SNX24: variants seen among roughly 807,000 people sequenced by gnomAD.
SNX24 encodes the protein sorting nexin 24.
Under a neutral mutation model 28.7 loss-of-function variants are expected in SNX24, and 22 were observed. The ratio of observed to expected loss-of-function variants is 0.77; its 90% CI spans 0.55 to 1.10. SNX24 has a LOEUF of 1.10. SNX24 is among the 50% of genes least tolerant of loss of function. The pLI is 0.00. For synonymous variants in SNX24, 69 were observed against 71.5 expected, an observed-to-expected ratio of 0.96 and a Z score of 0.18; for missense variants, 221 against 201.1, an observed-to-expected ratio of 1.10 and a Z score of -0.60.
rs1008236218 is a variant in SNX24, at chr5:122,864,706, G to T, written c.60+19013G>T. ...GAGCCAGTTTATCGATGTGGGTGGTGCCAGCTGATCTATCAAGTGCGGGGT... is the reference window on the plus strand; with the variant it reads ...GAGCCAGTTTATCGATGTGGGTGGTTCCAGCTGATCTATCAAGTGCGGGGT... On this transcript the variant is annotated intron_variant, in intron 1 of 6. Transcript: ENST00000261369. Among the ~76,000 whole-genome samples, 3 of 152,222 alleles carry T rather than the reference G, an allele frequency of 2.0e-5. No individual in the cohort carries two copies. In the East Asian group the frequency reaches 5.8e-4, roughly 29 times the overall value.
chr5:123,010,327 GT>G (rs965401343), downstream of SNX24, among the ~76,000 whole-genome samples: 2 of 150,254 alleles, frequency 1.3e-5, no homozygotes, highest in African/African-American at 4.9e-5. Flanking sequence ...GTCTTGCTCT[GT>G]TGCCCAGGCT....
intron 3 of SNX24, chr5:122,965,517 T>G (rs1760681739): frequency 4.4e-6 from 2 of 452,296 alleles, no homozygotes; most frequent in East Asian, 1.4e-4. Context: ...GATAATTGTG[T>G]AAAGGTAGGT....
chr5:122,993,193 C>G (rs1761925461), intron 3 of SNX24, among the ~76,000 whole-genome samples: 1 of 151,698 alleles, frequency 6.6e-6, no homozygotes, highest in South Asian at 2.1e-4. Context: ...CAAATGGTGT[C>G]ACACACAAAA....
intron 1 of SNX24, among the ~76,000 whole-genome samples, chr5:122,850,645 A>G (rs907560685): frequency 1.3e-5 from 2 of 152,170 alleles, no homozygotes; most frequent in Non-Finnish European, 2.9e-5. Flanking sequence ...ACCAGTAAGC[A>G]AATAAGAACT....
chr5:122,969,829 G>A (rs372018112), intron 3 of SNX24, among the ~76,000 whole-genome samples: 1 of 151,976 alleles, frequency 6.6e-6, no homozygotes, highest in Non-Finnish European at 1.5e-5. Flanking sequence ...CAGCACCGTC[G>A]CACCCAGGGT....
At chr5:122,978,966 C>T (rs1299864772) in intron 3 of SNX24, among the ~76,000 whole-genome samples, 3 of 152,128 alleles carry the variant, frequency 2.0e-5, no homozygotes, top group East Asian at 1.9e-4. Context: ...AACATTCAAG[C>T]CTGTTGATGT....
intron 1 of SNX24, among the ~76,000 whole-genome samples, chr5:122,859,034 A>C (rs1755333353): frequency 6.6e-6 from 1 of 152,172 alleles, no homozygotes; most frequent in South Asian, 2.1e-4. Flanking sequence ...AGGTGTGAGC[A>C]ACCAGGACCA....
At chr5:122,958,831 A>T (rs368310032) in intron 3 of SNX24, among the ~76,000 whole-genome samples, 1 of 152,016 alleles carries the variant, frequency 6.6e-6, no homozygotes, top group East Asian at 1.9e-4. Flanking sequence ...AAGTGCTGGG[A>T]TTATAGGCAT....
intron 6 of SNX24, 34 bp from the exon 7 acceptor site, chr5:123,007,648 C>CTTTTTTTTTTCTTTTTTTTTT: frequency 1.4e-6 from 2 of 1,389,032 alleles, no homozygotes; most frequent in East Asian, 2.5e-5. Flanking sequence ...AGCAGTTTTT[C>CTTTTTTTTTTCTTTTTTTTTT]TTTTTTTTTT....
chr5:122,923,684 A>G (rs1758546227), intron 1 of SNX24, among the ~76,000 whole-genome samples: 1 of 152,160 alleles, frequency 6.6e-6, no homozygotes, highest in Middle Eastern at 3.2e-3. Context: ...TTCCCAAGCA[A>G]CCTTCCCTTC....
At chr5:122,918,773 C>T (rs1273605032) in intron 1 of SNX24, among the ~76,000 whole-genome samples, 1 of 152,124 alleles carries the variant, frequency 6.6e-6, no homozygotes, top group East Asian at 1.9e-4. Flanking sequence ...GTCACAGAAT[C>T]CTAAGAAAGA....
chr5:122,930,725 CATCCA>C (rs1758914680), intron 1 of SNX24, among the ~76,000 whole-genome samples: 1 of 152,144 alleles, frequency 6.6e-6, no homozygotes, highest in Admixed American at 6.5e-5. Flanking sequence ...TATTCTCTTT[CATCCA>C]TGATCTTCCT....
chr5:123,011,375 TC>T (rs1458012738), downstream of SNX24, among the ~76,000 whole-genome samples: 1 of 152,152 alleles, frequency 6.6e-6, no homozygotes, highest in Admixed American at 6.5e-5. Context: ...AGCCCTCGTG[TC>T]CTTTCTCCTG....
At chr5:122,904,540 T>C (rs1757569311) in intron 1 of SNX24, among the ~76,000 whole-genome samples, 1 of 152,198 alleles carries the variant, frequency 6.6e-6, no homozygotes, top group South Asian at 2.1e-4. Flanking sequence ...AATTATTTTT[T>C]AATTATTTTA....
At chr5:122,973,483 T>G (rs548634375) in intron 3 of SNX24, among the ~76,000 whole-genome samples, 1 of 152,308 alleles carries the variant, frequency 6.6e-6, no homozygotes, top group South Asian at 2.1e-4. Context: ...TCTCTTCCAC[T>G]GATCATAGGG....
At chr5:122,848,530 C>T (rs1489249031) in intron 1 of SNX24, among the ~76,000 whole-genome samples, 1 of 144,200 alleles carries the variant, frequency 6.9e-6, no homozygotes. Flanking sequence ...TGGTGAAATC[C>T]CATCTCTACT....
intron 3 of SNX24, among the ~76,000 whole-genome samples, chr5:122,966,389 G>C (rs1037231719): frequency 2.0e-5 from 3 of 152,180 alleles, no homozygotes; most frequent in African/African-American, 7.2e-5. Context: ...TGAAAGATTC[G>C]ATAGTAAATA....
At chr5:122,999,475 CACAT>C (rs990056850) in intron 3 of SNX24, among the ~76,000 whole-genome samples, 4 of 151,648 alleles carry the variant, frequency 2.6e-5, no homozygotes, top group Non-Finnish European at 1.5e-5. Flanking sequence ...CACACACACA[CACAT>C]GTATACATAA....
At chr5:123,025,738 C>A in intron 5 of SNX24, 1 of 1,558,530 alleles carries the variant, frequency 6.4e-7, no homozygotes, top group South Asian at 1.2e-5. Flanking sequence ...AAAGTACTCT[C>A]AATAAAAATA....
Sources: gnomAD v4.1 joint callset for allele counts (sites outside exome capture counted in the v4.1 genomes callset) on GRCh38, gnomAD v4.1.1 for gene constraint, MANE v1.5 for transcripts, NCBI Gene and HGNC (gene_info 2026-07-23, HGNC 2026-07-21) for gene names.